The following MLF2 variants were observed in gnomAD, a reference collection of about 807,000 sequenced individuals.
The protein encoded by MLF2 is myeloid leukemia factor 2.
Under a neutral mutation model 31.4 loss-of-function variants are expected in MLF2, and 12 were observed. The ratio of observed to expected loss-of-function variants is 0.38; its 90% CI spans 0.24 to 0.62. The LOEUF (loss-of-function observed/expected upper bound fraction) is 0.62. Ranked by LOEUF, MLF2 falls within the 20% of genes least tolerant of loss-of-function variation. The pLI is 0.58. For missense variants in MLF2, 272 were observed against 359.7 expected, an observed-to-expected ratio of 0.76 and a Z score of 1.97; for synonymous variants, 109 against 118.8, an observed-to-expected ratio of 0.92 and a Z score of 0.54.
At position 6,748,794 on chromosome 12, in the gene MLF2, C is replaced by T; in HGVS notation, c.*1G>A. The T allele has an allele frequency of 6.5e-7, 1 of 1,528,050 alleles. No individual in the cohort carries two copies. The highest frequency in any genetic ancestry group is 1.3e-5 in the South Asian group (1 of 77,590). 94.7% of individuals were successfully genotyped at this position (1,528,050 alleles called of 1,614,324 possible). On this transcript the variant is annotated 3_prime_UTR_variant, in exon 8 of 9. Coordinates refer to ENST00000203630, the MANE Select transcript of MLF2 (RefSeq NM_001382226.1). The surrounding 1 kb of genome is among the most constrained non-coding windows in gnomAD (Gnocchi z 4.6). The stretch of plus-strand genomic sequence containing the variant: ...CAAGAGAGGCTGAGGGCCCGGGGCC[C>T]TCACCAGTCATAGCGGCGGGACTGT...
In MLF2 at chr12:6,752,384, G is replaced by A; in HGVS notation, c.-28-22C>T. Reference sequence around the variant, plus strand: ...CACACTGGAAAGATATGGAAGCTCAGATACTTGGAGGTGGCCAGGGTTTTG... The same window carrying A: ...CACACTGGAAAGATATGGAAGCTCAAATACTTGGAGGTGGCCAGGGTTTTG... On this transcript the variant is annotated intron_variant, in intron 1 of 8. Transcript: ENST00000203630. The surrounding 1 kb of genome is among the most constrained non-coding windows in gnomAD (Gnocchi z 4.6). 1 of 1,545,522 alleles carries A rather than the reference G, an allele frequency of 6.5e-7. No homozygotes were observed. Among genetic ancestry groups the A allele is most frequent in the Non-Finnish European group, 8.8e-7 (1 of 1,141,652 alleles).
At position 6,750,474 on chromosome 12, in the gene MLF2, C is replaced by G; in HGVS notation, c.271-169G>C. The G allele has an allele frequency of 1.0e-6, 1 of 996,076 alleles. No individual in the cohort carries two copies. Among genetic ancestry groups the G allele is most frequent in the Non-Finnish European group, 1.5e-6 (1 of 686,872 alleles). The allele number at this position is 996,076 out of a possible 1,614,324, so 61.7% of individuals were successfully genotyped here. A position where few individuals can be genotyped will look rare whatever the true frequency, so the allele number is the denominator to read the frequency against. On this transcript the variant is annotated intron_variant, in intron 5 of 8. Transcript: ENST00000203630. The surrounding 1 kb of genome is among the most constrained non-coding windows in gnomAD (Gnocchi z 5.3). ...TCCCAAATTCCTCTGAGTCCAACCA[C>G]GAGCAAGAAGGACCTGAAGAGACAG...
rs770054472 is a variant in MLF2, at chr12:6,748,975, G to C, written c.567C>G (p.Ala189=). The C allele has an allele frequency of 1.3e-6, 2 of 1,594,262 alleles. No homozygotes were observed. The highest frequency in any genetic ancestry group is 1.7e-5 in the Admixed American group (1 of 57,166). Residue 189 remains alanine, a synonymous_variant, in exon 8 of 9, where the codon GCC becomes GCG. Transcript: ENST00000203630. The surrounding 1 kb of genome is among the most constrained non-coding windows in gnomAD (Gnocchi z 4.6). The part of the protein sequence containing the change: ...QDYINLDESE[A]AAFDDEWRRE... ...GCCGCCACTCGTCATCAAACGCTGC[G>C]GCCTCACCTGGAAAGGACAGAGCGG... is the stretch of plus-strand genomic sequence containing the variant.
In MLF2 at chr12:6,750,038, C is replaced by T; in HGVS notation, c.400-31G>A. ...ATGAGGCAGAACGTGGCACACTCAG[C>T]CGCCCCTTCCAAAGCCCTGCCTATA... On this transcript the variant is annotated intron_variant, in intron 6 of 8. Transcript: ENST00000203630. This position sits in a 1 kb window ranked among gnomAD's most constrained non-coding sequence, Gnocchi z 5.3. 6.2e-7 allele frequency: 1 copy of T among 1,613,290 alleles called. No homozygotes were observed. The highest frequency in any genetic ancestry group is 1.6e-4 in the Middle Eastern group (1 of 6,062).
rs778129630 is a variant in MLF2, at chr12:6,751,624, G to A, written c.216+17C>T. 2.5e-6 allele frequency: 4 copies of A among 1,612,360 alleles called. No homozygotes were observed. The highest frequency in any genetic ancestry group is 3.4e-6 in the Non-Finnish European group (4 of 1,178,368). On this transcript the variant is annotated intron_variant, in intron 4 of 8. Coordinates refer to ENST00000203630, the MANE Select transcript of MLF2 (RefSeq NM_001382226.1). ...AGTGTGTCTGAGATGGAAGGACACAGGGAGATAAAGACTCACCATTCCCAG... is the reference window on the plus strand; with the variant it reads ...AGTGTGTCTGAGATGGAAGGACACAAGGAGATAAAGACTCACCATTCCCAG...
Position 6,750,865 on chromosome 12 carries a change from T to C in MLF2, c.217-99A>G. 2 of 992,934 alleles carry C rather than the reference T, an allele frequency of 2.0e-6. No homozygotes were observed. Among genetic ancestry groups the C allele is most frequent in the South Asian group, 1.3e-5 (1 of 74,176 alleles). The allele number at this position is 992,934 out of a possible 1,614,324, so 61.5% of individuals were successfully genotyped here. On this transcript the variant is annotated intron_variant, in intron 4 of 8. Transcript: ENST00000203630. This position sits in a 1 kb window ranked among gnomAD's most constrained non-coding sequence, Gnocchi z 5.3. ...ACAACCCACATGGCTGCACATTTCC[T>C]TTCTCTTCTTCCTTCACATCTAGCA...
In MLF2 at chr12:6,752,354, G is replaced by A. The variant is rs1242920383; in HGVS notation, c.-20C>T. 5.1e-6 allele frequency: 8 copies of A among 1,555,554 alleles called. No homozygotes were observed. Among genetic ancestry groups the A allele is most frequent in the Non-Finnish European group, 7.0e-6 (8 of 1,148,830 alleles). ...GAACATCCTGATCTCAGCTCCAGGG[G>A]GCTCCACACTGGAAAGATATGGAAG... On this transcript the variant is annotated 5_prime_UTR_variant, in exon 2 of 9. Coordinates refer to ENST00000203630, the MANE Select transcript of MLF2 (RefSeq NM_001382226.1). This position sits in a 1 kb window ranked among gnomAD's most constrained non-coding sequence, Gnocchi z 4.6.
rs1941641053 is a variant in MLF2 at position 6,753,058 on chromosome 12, A to T, written c.-148T>A. On this transcript the variant is annotated 5_prime_UTR_variant, in exon 1 of 9. Coordinates refer to ENST00000203630, the MANE Select transcript of MLF2 (RefSeq NM_001382226.1). ...CCGGGCTTGAGCTCCTCGGCCTTCC[A>T]CGCCGCCTCCTCCCACAGCTGCCAC... The T allele has an allele frequency of 1.8e-5, 7 of 379,412 alleles. No homozygotes were observed. 23.5% of individuals were successfully genotyped at this position (379,412 alleles called of 1,614,324 possible).
chr12:6,752,401 AG>A lies in MLF2; in HGVS notation c.-28-40del. ...GAAGCTCAGATACTTGGAGGTGGCC[AG>A]GGTTTTGCACACCCACTCAGTGTGG... On this transcript the variant is annotated intron_variant, in intron 1 of 8. Transcript: ENST00000203630. This position sits in a 1 kb window ranked among gnomAD's most constrained non-coding sequence, Gnocchi z 4.6. The A allele has an allele frequency of 1.3e-6, 2 of 1,512,026 alleles. No individual in the cohort carries two copies. The highest frequency in any genetic ancestry group is 1.8e-6 in the Non-Finnish European group (2 of 1,112,242). The allele number at this position is 1,512,026 out of a possible 1,614,324, so 93.7% of individuals were successfully genotyped here.
intron 4 of MLF2, 55 bp downstream of exon 4, chr12:6,751,586 T>C (rs200720279): frequency 8.3e-5 from 131 of 1,571,542 alleles, no homozygotes; most frequent in Admixed American, 1.2e-4. Context: ...GGGAATAATA[T>C]CTAAGGGTAG....
rs543593413 is a variant in MLF2, at chr12:6,749,453, T to C, written c.559+395A>G. 5.3e-5 allele frequency among the ~76,000 whole-genome samples: 8 copies of C among 152,350 alleles called. No individual in the cohort carries two copies. In the South Asian group the frequency reaches 1.7e-3, roughly 32 times the overall value. On this transcript the variant is annotated intron_variant, in intron 7 of 8. Transcript: ENST00000203630. This position sits in a 1 kb window ranked among gnomAD's most constrained non-coding sequence, Gnocchi z 5.3. ...ACAGTTGGGTGCAGTGGCTCATGCC[T>C]GTAATCCCGGCACTTTGGGAGGCCA...
Position 6,749,627 on chromosome 12 carries a change from A to C in MLF2, c.559+221T>G, listed in dbSNP as rs1030857272. Among the ~76,000 whole-genome samples, 7 of 152,084 alleles carry C rather than the reference A, an allele frequency of 4.6e-5. No individual in the cohort carries two copies. Among genetic ancestry groups the C allele is most frequent in the Non-Finnish European group, 7.4e-5 (5 of 67,996 alleles). ...CTACACGGGAGGCTGAGGCAGGAGA[A>C]TTGCTTAAACCCGGGAGGCGGAGGT... On this transcript the variant is annotated intron_variant, in intron 7 of 8. Transcript: ENST00000203630. The surrounding 1 kb of genome is among the most constrained non-coding windows in gnomAD (Gnocchi z 5.3).
chr12:6,749,798 C>A lies in MLF2; in HGVS notation c.559+50G>T. Reference sequence around the variant, plus strand: ...AGTGTCTATGTGTTAGGGATGTCCACGGGAACCGGGTTAGGGGCTGCCAGC... The same window carrying A: ...AGTGTCTATGTGTTAGGGATGTCCAAGGGAACCGGGTTAGGGGCTGCCAGC... On this transcript the variant is annotated intron_variant, in intron 7 of 8. Coordinates refer to ENST00000203630, the MANE Select transcript of MLF2 (RefSeq NM_001382226.1). The surrounding 1 kb of genome is among the most constrained non-coding windows in gnomAD (Gnocchi z 5.3). 1 of 1,606,954 alleles carries A rather than the reference C, an allele frequency of 6.2e-7. No individual in the cohort carries two copies. Among genetic ancestry groups the A allele is most frequent in the Non-Finnish European group, 8.5e-7 (1 of 1,175,916 alleles).
At chr12:6,751,597 A>G (rs368210503) in intron 4 of MLF2, 44 bp downstream of exon 4, 5 of 1,587,940 alleles carry the variant, frequency 3.1e-6, no homozygotes, top group Non-Finnish European at 4.3e-6. Context: ...CTAAGGGTAG[A>G]GAGTGTGTCT....
chr12:6,749,723 C>CAAAAAAA lies in MLF2; in HGVS notation c.559+118_559+124dup. On this transcript the variant is annotated intron_variant, in intron 7 of 8. Coordinates refer to ENST00000203630, the MANE Select transcript of MLF2 (RefSeq NM_001382226.1). The surrounding 1 kb of genome is among the most constrained non-coding windows in gnomAD (Gnocchi z 5.3). ...GGGCAACAAGAGCGAGACTCCATCT[C>CAAAAAAA]AAAAAAAAAAAAAAAGGAATATGGG... 2.8e-6 allele frequency: 3 copies of CAAAAAAA among 1,081,334 alleles called. No individual in the cohort carries two copies. Among genetic ancestry groups the CAAAAAAA allele is most frequent in the Non-Finnish European group, 3.8e-6 (3 of 783,598 alleles). 67.0% of individuals were successfully genotyped at this position (1,081,334 alleles called of 1,614,324 possible). A position where few individuals can be genotyped will look rare whatever the true frequency, so the allele number is the denominator to read the frequency against.
chr12:6,749,915 G>C lies in MLF2; in HGVS notation c.492C>G (p.Leu164=). ...CCGTGCGATGGTTTCGGGAGCGCTG[G>C]AGGATGTGAGCCCTGTCCCGGATGT... is the stretch of plus-strand genomic sequence containing the variant. ...GHHIRDRAHI[L]QRSRNHRTGD... The change falls in exon 7 of 9, where the codon CTC becomes CTG. Residue 164 remains leucine (L), a synonymous_variant. Transcript: ENST00000203630. The surrounding 1 kb of genome is among the most constrained non-coding windows in gnomAD (Gnocchi z 5.3). 1.9e-6 allele frequency: 3 copies of C among 1,614,190 alleles called. No homozygotes were observed. The highest frequency in any genetic ancestry group is 2.5e-6 in the Non-Finnish European group (3 of 1,180,036).
chr12:6,753,044 C>A lies in MLF2; in HGVS notation c.-134G>T. ...ACGTGGGGATTGGTCCGGGCTTGAG[C>A]TCCTCGGCCTTCCACGCCGCCTCCT... is the stretch of plus-strand genomic sequence containing the variant. On this transcript the variant is annotated 5_prime_UTR_variant, in exon 1 of 9. Transcript: ENST00000203630. 2.7e-6 allele frequency: 1 copy of A among 374,168 alleles called. No homozygotes were observed. The highest frequency in any genetic ancestry group is 4.7e-6 in the Non-Finnish European group (1 of 210,742). The allele number at this position is 374,168 out of a possible 1,614,324, so 23.2% of individuals were successfully genotyped here.
chr12:6,752,359 C>A lies in MLF2; in HGVS notation c.-25G>T. On this transcript the variant is annotated 5_prime_UTR_variant, in exon 2 of 9. Transcript: ENST00000203630. This position sits in a 1 kb window ranked among gnomAD's most constrained non-coding sequence, Gnocchi z 4.6. ...TCCTGATCTCAGCTCCAGGGGGCTCCACACTGGAAAGATATGGAAGCTCAG... is the reference window on the plus strand; with the variant it reads ...TCCTGATCTCAGCTCCAGGGGGCTCAACACTGGAAAGATATGGAAGCTCAG... 1 of 1,554,824 alleles carries A rather than the reference C, an allele frequency of 6.4e-7. No individual in the cohort carries two copies. The highest frequency in any genetic ancestry group is 8.7e-7 in the Non-Finnish European group (1 of 1,148,512).
rs937952847 is a variant in MLF2 at position 6,749,411 on chromosome 12, G to C, written c.560-429C>G. Reference sequence around the variant, plus strand: ...CCGAGCGGAGGAGGCTCCAAGTGCGGTAAGAATATGGGACTGACAGTTGGG... The same window carrying C: ...CCGAGCGGAGGAGGCTCCAAGTGCGCTAAGAATATGGGACTGACAGTTGGG... On this transcript the variant is annotated intron_variant, in intron 7 of 8. Coordinates refer to ENST00000203630, the MANE Select transcript of MLF2 (RefSeq NM_001382226.1). The surrounding 1 kb of genome is among the most constrained non-coding windows in gnomAD (Gnocchi z 5.3). Among the ~76,000 whole-genome samples, 2 of 152,232 alleles carry C rather than the reference G, an allele frequency of 1.3e-5. No homozygotes were observed. The highest frequency in any genetic ancestry group is 4.8e-5 in the African/African-American group (2 of 41,466).
Sources: allele counts gnomAD v4.1 joint callset (sites outside exome capture counted in the v4.1 genomes callset), GRCh38; gene constraint gnomAD v4.1.1; non-coding constraint Gnocchi (gnomAD v3.1); transcripts MANE v1.5; gene names NCBI Gene and HGNC (gene_info 2026-07-23, HGNC 2026-07-21).